The following AMOT variants were observed in gnomAD, a reference collection of about 807,000 sequenced individuals.
AMOT encodes the protein angiomotin.
In AMOT, 11 loss-of-function variants were observed where a neutral mutation model predicts 67.0. The observed-to-expected ratio is 0.16, with a 90% CI of 0.10 to 0.27. The LOEUF is 0.27. Among genes scored for constraint, AMOT ranks in the 10% least tolerant of loss-of-function variants. AMOT has a pLI of 1.00. For synonymous variants in AMOT, 326 were observed against 321.4 expected (o/e 1.01, Z -0.15); for missense variants, 753 against 852.0 (o/e 0.88, Z 1.45).
chrX:112,800,470 A>T (rs1239363020), intron 8 of AMOT, among the ~76,000 whole-genome samples: 1 of 111,797 alleles, frequency 8.9e-6, no homozygotes, highest in African/African-American at 3.3e-5. Context: ...ACATCCTTGG[A>T]TCTTCCATCC....
intron 8 of AMOT, 37 bp from the exon 9 acceptor site, chrX:112,792,018 G>T (rs1933625108): frequency 8.3e-7 from 1 of 1,200,925 alleles, no homozygotes; most frequent in Admixed American, 2.2e-5. Flanking sequence ...AAGGTGAAAG[G>T]AAAAACAGCA....
intron 13 of AMOT, 77 bp from the exon 14 acceptor site, chrX:112,778,741 G>A (rs1454080395): frequency 1.1e-6 from 1 of 949,395 alleles, no homozygotes; most frequent in Non-Finnish European, 1.5e-6. Context: ...CACCATCAGA[G>A]CCCTCATGAA....
chrX:112,805,204 A>G (rs1602787424), intron 7 of AMOT, 112 bp from the exon 8 acceptor site: 2 of 901,968 alleles, frequency 2.2e-6, no homozygotes, highest in Non-Finnish European at 3.1e-6. Context: ...TCTAGTGCAC[A>G]GCTGAAGAAC....
rs1932914452 is a variant in AMOT at position 112,775,293 on chromosome X, T to A, written c.*3274A>T. Reference sequence around the variant, plus strand: ...AACATTTTCAGTAAGAATGCACACGTTTTAAGTAACATATTCCATATGCAC... The same window carrying A: ...AACATTTTCAGTAAGAATGCACACGATTTAAGTAACATATTCCATATGCAC... On this transcript the variant is annotated 3_prime_UTR_variant, in exon 14 of 14. Transcript: ENST00000371959. 8.9e-6 allele frequency: 1 copy of A among 112,859 alleles called. No homozygotes were observed. Among genetic ancestry groups the A allele is most frequent in the Admixed American group, 9.4e-5 (1 of 10,655 alleles). The allele number at this position is 112,859 out of a possible 1,213,427, so 9.3% of individuals were successfully genotyped here.
chrX:112,811,938 A>G (rs967688886), intron 5 of AMOT, among the ~76,000 whole-genome samples: 1 of 111,904 alleles, frequency 8.9e-6, no homozygotes, highest in Non-Finnish European at 1.9e-5. Context: ...TCAATTTAAC[A>G]AACATTTACC....
At chrX:112,837,359 T>A (rs1391445594) in intron 1 of AMOT, among the ~76,000 whole-genome samples, 2 of 112,276 alleles carry the variant, frequency 1.8e-5, no homozygotes, top group Admixed American at 9.4e-5. Flanking sequence ...GCAATAAATA[T>A]GCTTCCGAGA....
chrX:112,815,123 A>G (rs923560965), intron 5 of AMOT, among the ~76,000 whole-genome samples: 1 of 111,713 alleles, frequency 9.0e-6, no homozygotes, highest in Non-Finnish European at 1.9e-5. Flanking sequence ...TAGCGTCTGG[A>G]AAAACTGCAT....
At chrX:112,819,526 G>A (rs1934659376) in intron 4 of AMOT, 5 of 341,079 alleles carry the variant, frequency 1.5e-5, no homozygotes, top group African/African-American at 2.8e-5. Context: ...GAAAGGAGGT[G>A]GCTGCTTTAT....
chrX:112,805,754 A>G (rs1934159470), intron 7 of AMOT, among the ~76,000 whole-genome samples: 1 of 111,482 alleles, frequency 9.0e-6, no homozygotes, highest in Non-Finnish European at 1.9e-5. Context: ...ATACACTAAA[A>G]CTGGAAGCCA....
chrX:112,805,028 A>G lies in AMOT; in HGVS notation c.1695T>C (p.Asn565=), dbSNP rs1439005877. The G allele has an allele frequency of 4.1e-6, 5 of 1,211,131 alleles. No individual in the cohort carries two copies. Among genetic ancestry groups the G allele is most frequent in the Admixed American group, 2.2e-5 (1 of 45,953 alleles). ...TTTCGATGTGTCGTCTTTGGTCCTC[A>G]TTGGTAGAACGGGCAGTGGCCAGCT... ...EAELATARST[N]EDQRRHIEIR... is the part of the protein sequence containing the mutation. Residue 565 remains asparagine, a synonymous_variant, in exon 8 of 14, where the codon AAT becomes AAC. Transcript: ENST00000371959.
At chrX:112,820,887 G>T (rs1934695427) in intron 4 of AMOT, among the ~76,000 whole-genome samples, 1 of 108,790 alleles carries the variant, frequency 9.2e-6, no homozygotes, top group African/African-American at 3.4e-5. Context: ...CAGAACATAG[G>T]CTCCTGCCCT....
rs752253171 is a variant in AMOT, at chrX:112,792,159, T to C, written c.1777-178A>G. On this transcript the variant is annotated intron_variant, in intron 8 of 13. Coordinates refer to ENST00000371959, the MANE Select transcript of AMOT (RefSeq NM_001113490.2). ...ACAATGAGTAGCAGGCTGCCTTGTATTGCTCATAAAGAGAATGTGAAGGAA... is the reference window on the plus strand; with the variant it reads ...ACAATGAGTAGCAGGCTGCCTTGTACTGCTCATAAAGAGAATGTGAAGGAA... Among the ~76,000 whole-genome samples, 5 of 112,422 alleles carry C rather than the reference T, an allele frequency of 4.4e-5. No individual in the cohort carries two copies. In the South Asian group the frequency reaches 1.1e-3, roughly 25 times the overall value.
chrX:112,827,822 G>A (rs1365711047), intron 2 of AMOT, among the ~76,000 whole-genome samples: 1 of 111,497 alleles, frequency 9.0e-6, no homozygotes, highest in Non-Finnish European at 1.9e-5. Flanking sequence ...TTTGCAATAT[G>A]CCTATAAGAT....
intron 5 of AMOT, among the ~76,000 whole-genome samples, chrX:112,814,548 C>T (rs985681006): frequency 1.8e-5 from 2 of 110,831 alleles, no homozygotes; most frequent in Admixed American, 9.6e-5. Context: ...TGCAAAGAAG[C>T]GGCCAAAGGC....
chrX:112,791,871 T>C lies in AMOT; in HGVS notation c.1887A>G (p.Thr629=), dbSNP rs746460941. ...KREQLEHRLR[T]RLERELESLR... ...GGGATTCCAGTTCCCTCTCCAGTCG[T>C]GTCCGGAGACGGTGCTCTAGCTGCT... Residue 629 remains threonine (T), a synonymous_variant, in exon 9 of 14, where the codon ACA becomes ACG. Coordinates refer to ENST00000371959, the MANE Select transcript of AMOT (RefSeq NM_001113490.2). 8.3e-7 allele frequency: 1 copy of C among 1,210,420 alleles called. No homozygotes were observed. The highest frequency in any genetic ancestry group is 3.0e-5 in the East Asian group (1 of 33,773).
At chrX:112,803,454 A>C (rs1448483359) in intron 8 of AMOT, among the ~76,000 whole-genome samples, 2 of 112,518 alleles carry the variant, frequency 1.8e-5, no homozygotes, top group East Asian at 5.5e-4. Flanking sequence ...AAGCTCCTTA[A>C]ACCTAGACAT....
intron 12 of AMOT, chrX:112,780,222 A>G (rs971982301): frequency 2.7e-5 from 3 of 112,384 alleles, no homozygotes; most frequent in Non-Finnish European, 5.6e-5. Context: ...ATTCTAACCA[A>G]AAGATATTAC....
intron 8 of AMOT, among the ~76,000 whole-genome samples, chrX:112,793,072 G>C (rs931548192): frequency 9.2e-6 from 1 of 108,785 alleles, no homozygotes; most frequent in African/African-American, 3.4e-5. Context: ...AGCAGATTAT[G>C]CTTCTCGTAA....
intron 2 of AMOT, among the ~76,000 whole-genome samples, chrX:112,828,519 T>C (rs1602837534): frequency 9.9e-6 from 1 of 100,833 alleles, no homozygotes; most frequent in Admixed American, 1.1e-4. Flanking sequence ...TTTTTTTTTT[T>C]AGAAGTGTAC....
Sources: allele counts gnomAD v4.1 joint callset (sites outside exome capture counted in the v4.1 genomes callset), GRCh38; gene constraint gnomAD v4.1.1; transcripts MANE v1.5; gene names NCBI Gene and HGNC (gene_info 2026-07-23, HGNC 2026-07-21).